The following KCNH1 variants were observed in gnomAD, a reference collection of about 807,000 sequenced individuals.
KCNH1 encodes potassium voltage-gated channel subfamily H member 1, also known as voltage-gated delayed rectifier potassium channel KCNH1.
KCNH1 carries 27 observed loss-of-function variants against 69.2 expected under a neutral mutation model. That is an observed-to-expected ratio of 0.39 (90% confidence interval 0.29 to 0.54). The LOEUF (loss-of-function observed/expected upper bound fraction) is 0.54, where lower values mean the gene tolerates loss of function less well. Ranked by LOEUF, KCNH1 falls within the 20% of genes least tolerant of loss-of-function variation. KCNH1 has a pLI of 0.68. For missense variants in KCNH1, 798 were observed against 1,261.6 expected, an observed-to-expected ratio of 0.63 and a Z score of 5.57; for synonymous variants, 456 against 487.7, an observed-to-expected ratio of 0.93 and a Z score of 0.86.
chr1:210,979,878 G>A (rs998455941), intron 6 of KCNH1, among the ~76,000 whole-genome samples: 46 of 152,142 alleles, frequency 3.0e-4, no homozygotes, highest in Non-Finnish European at 1.5e-5. Flanking sequence ...CATGCTAACA[G>A]GAGGCAATAT....
intron 6 of KCNH1, among the ~76,000 whole-genome samples, chr1:210,954,943 T>C (rs1452144574): frequency 6.6e-6 from 1 of 152,206 alleles, no homozygotes; most frequent in African/African-American, 2.4e-5. Flanking sequence ...TTGTTGCCAT[T>C]GCTTTTGGTG....
chr1:211,113,141 G>A (rs1571657054), intron 1 of KCNH1, among the ~76,000 whole-genome samples: 1 of 152,064 alleles, frequency 6.6e-6, no homozygotes, highest in African/African-American at 2.4e-5. Flanking sequence ...CTTTACTGAA[G>A]GAAGTCTCAG....
intron 5 of KCNH1, among the ~76,000 whole-genome samples, chr1:211,046,903 T>C (rs939726035): frequency 1.3e-5 from 2 of 152,074 alleles, no homozygotes; most frequent in Non-Finnish European, 2.9e-5. Context: ...TCTAAATTAA[T>C]ACTAACCAAT....
intron 6 of KCNH1, among the ~76,000 whole-genome samples, chr1:210,949,153 A>G (rs1401221233): frequency 6.6e-6 from 1 of 152,168 alleles, no homozygotes; most frequent in Non-Finnish European, 1.5e-5. Flanking sequence ...AAGGGAAAAA[A>G]GATACCATGA....
chr1:211,127,573 C>T (rs1052890097), intron 1 of KCNH1, among the ~76,000 whole-genome samples: 38 of 152,290 alleles, frequency 2.5e-4, no homozygotes, highest in Admixed American at 1.5e-3. Flanking sequence ...ACTGATGCCT[C>T]CCAAAGGGCA....
chr1:210,963,240 A>G (rs1465698871), intron 6 of KCNH1, among the ~76,000 whole-genome samples: 1 of 152,160 alleles, frequency 6.6e-6, no homozygotes, highest in Admixed American at 6.6e-5. Flanking sequence ...AAGAGCATCA[A>G]CATCAACAAA....
chr1:210,808,165 G>T (rs564279574), intron 7 of KCNH1, among the ~76,000 whole-genome samples: 1 of 152,304 alleles, frequency 6.6e-6, no homozygotes, highest in East Asian at 1.9e-4. Flanking sequence ...AACTCAACAA[G>T]CCTATGTGGG....
chr1:211,010,332 C>G (rs761755176), intron 6 of KCNH1, among the ~76,000 whole-genome samples: 28 of 152,220 alleles, frequency 1.8e-4, no homozygotes, highest in African/African-American at 6.5e-4. Context: ...AACTCATTCT[C>G]ACCACTGCTT....
intron 10 of KCNH1, among the ~76,000 whole-genome samples, chr1:210,760,899 C>T (rs1043987333): frequency 3.9e-5 from 6 of 152,120 alleles, no homozygotes; most frequent in Admixed American, 2.6e-4. Context: ...TGGGAATTCA[C>T]GATGAGATTT....
intron 7 of KCNH1, among the ~76,000 whole-genome samples, chr1:210,842,593 C>T (rs1354914074): frequency 6.6e-6 from 1 of 152,038 alleles, no homozygotes; most frequent in Admixed American, 6.6e-5. Flanking sequence ...TTACTCATAC[C>T]CGTGTGTGGT....
chr1:210,899,627 T>C (rs142306261), intron 7 of KCNH1, among the ~76,000 whole-genome samples: 1 of 152,282 alleles, frequency 6.6e-6, no homozygotes, highest in African/African-American at 2.4e-5. Flanking sequence ...AAAAGAACAA[T>C]GGCAAAGACA....
intron 6 of KCNH1, among the ~76,000 whole-genome samples, chr1:210,973,319 C>A (rs1347005730): frequency 1.3e-5 from 2 of 152,086 alleles, no homozygotes; most frequent in Non-Finnish European, 2.9e-5. Context: ...GACCCATTCT[C>A]TTTATATCTA....
intron 5 of KCNH1, among the ~76,000 whole-genome samples, chr1:211,064,238 C>T (rs190657071): frequency 2.0e-5 from 3 of 152,140 alleles, no homozygotes; most frequent in Admixed American, 6.5e-5. Context: ...GGAAAATATA[C>T]CTATTATATT....
intron 7 of KCNH1, among the ~76,000 whole-genome samples, chr1:210,838,047 C>T (rs1185671905): frequency 1.3e-5 from 2 of 152,030 alleles, no homozygotes; most frequent in Non-Finnish European, 2.9e-5. Flanking sequence ...AAATGCTAAG[C>T]AAAAAGGACA....
chr1:210,725,396 C>T (rs561350377), intron 10 of KCNH1, among the ~76,000 whole-genome samples: 2 of 152,238 alleles, frequency 1.3e-5, no homozygotes, highest in South Asian at 4.1e-4. Flanking sequence ...ATACACCAGA[C>T]AAAAAACACC....
chr1:210,911,551 G>A (rs1344071022), intron 7 of KCNH1, among the ~76,000 whole-genome samples: 1 of 132,484 alleles, frequency 7.5e-6, no homozygotes, highest in Non-Finnish European at 1.6e-5. Flanking sequence ...AAAACTTAAA[G>A]TATAATAAAA....
At chr1:210,911,707 T>G (rs1032758971) in intron 7 of KCNH1, among the ~76,000 whole-genome samples, 1 of 151,918 alleles carries the variant, frequency 6.6e-6, no homozygotes, top group Non-Finnish European at 1.5e-5. Context: ...ATGACCCTTA[T>G]CGGTTGGCAT....
chr1:210,691,756 C>T (rs1486183553), intron 10 of KCNH1, among the ~76,000 whole-genome samples: 1 of 152,208 alleles, frequency 6.6e-6, no homozygotes, highest in Non-Finnish European at 1.5e-5. Flanking sequence ...TCTCTAGATG[C>T]ATTCGGCTGT....
rs1558541063 is a variant in KCNH1, at chr1:210,957,863, A to G, written c.1033-37794T>C. Among the ~76,000 whole-genome samples, 5 of 152,134 alleles carry G rather than the reference A, an allele frequency of 3.3e-5. No homozygotes were observed. The South Asian group carries it at 1.0e-3, about 32-fold the overall frequency. On this transcript the variant is annotated intron_variant, in intron 6 of 10. Transcript: ENST00000271751. ...GCACACTGATGGGTCTTGCCTCTTTATCCAATTTGCCAGTCTGTGTCTTTT... is the reference window on the plus strand; with the variant it reads ...GCACACTGATGGGTCTTGCCTCTTTGTCCAATTTGCCAGTCTGTGTCTTTT...
Sources: gnomAD v4.1 joint callset for allele counts (sites outside exome capture counted in the v4.1 genomes callset) on GRCh38, gnomAD v4.1.1 for gene constraint, MANE v1.5 for transcripts, NCBI Gene and HGNC (gene_info 2026-07-23, HGNC 2026-07-21) for gene names.